Variants in TMEM165 observed in about 807,000 individuals in gnomAD.
TMEM165 encodes the protein transmembrane protein 165.
TMEM165 carries 19 observed loss-of-function variants against 30.0 expected under a neutral mutation model. The observed-to-expected ratio is 0.63, with a 90% CI of 0.44 to 0.93. The LOEUF (loss-of-function observed/expected upper bound fraction) is 0.93. Among genes scored for constraint, TMEM165 ranks in the 40% least tolerant of loss-of-function variants. The pLI is 0.00. For missense variants in TMEM165, 340 were observed against 417.0 expected (o/e 0.82, Z 1.61); for synonymous variants, 168 against 162.9 (o/e 1.03, Z -0.24).
At chr4:55,424,853 C>A in intron 5 of TMEM165, 1 of 513,896 alleles carries the variant, frequency 1.9e-6, no homozygotes, top group South Asian at 2.7e-5. Flanking sequence ...TCATTTTTAT[C>A]GAATTCATAG....
At chr4:55,414,542 C>A (rs1326462979) in intron 2 of TMEM165, among the ~76,000 whole-genome samples, 1 of 152,002 alleles carries the variant, frequency 6.6e-6, no homozygotes, top group Admixed American at 6.6e-5. Flanking sequence ...ACTCATCAAC[C>A]CGTCATCTAG....
chr4:55,418,883 A>C (rs534142536), intron 4 of TMEM165, among the ~76,000 whole-genome samples: 1 of 152,092 alleles, frequency 6.6e-6, no homozygotes, highest in African/African-American at 2.4e-5. Context: ...CCCTACTACT[A>C]AAAATACAAA....
intron 3 of TMEM165, among the ~76,000 whole-genome samples, chr4:55,450,965 T>G (rs1478489913): frequency 6.6e-6 from 1 of 151,878 alleles, no homozygotes; most frequent in African/African-American, 2.4e-5. Context: ...CACTAATCTT[T>G]CCCTTCACCA....
intron 4 of TMEM165, among the ~76,000 whole-genome samples, chr4:55,422,916 G>A (rs867605420): frequency 2.6e-5 from 4 of 152,100 alleles, no homozygotes; most frequent in African/African-American, 7.2e-5. Context: ...CATTACAGGC[G>A]TGAGCCACTG....
intron 3 of TMEM165, chr4:55,448,641 T>C (rs1035075038): frequency 8.7e-5 from 51 of 587,074 alleles, no homozygotes; most frequent in African/African-American, 1.7e-4. Flanking sequence ...TGTGTGTGTG[T>C]GTGCTCCTAC....
chr4:55,443,763 C>G, intron 3 of TMEM165: 4 of 1,614,088 alleles, frequency 2.5e-6, no homozygotes, highest in Non-Finnish European at 2.5e-6. Flanking sequence ...ATTCATTCCA[C>G]TTTGAATCTG....
intron 3 of TMEM165, chr4:55,444,721 C>T: frequency 1.2e-6 from 2 of 1,614,044 alleles, no homozygotes; most frequent in South Asian, 2.2e-5. Context: ...TTCTATCATG[C>T]GTGTCCGTTG....
intron 3 of TMEM165, chr4:55,438,479 C>T: frequency 1.2e-6 from 2 of 1,613,784 alleles, no homozygotes; most frequent in Non-Finnish European, 1.7e-6. Context: ...ACCATGACTG[C>T]CCCACAAGCT....
At position 55,403,136 on chromosome 4, in the gene TMEM165, A is replaced by G. The variant is rs1721103907; in HGVS notation, c.207+6740A>G. The G allele has an allele frequency of 4.0e-6, 3 of 746,810 alleles. No individual in the cohort carries two copies. The South Asian group carries it at 4.5e-5, about 11-fold the overall frequency. 46.3% of individuals were successfully genotyped at this position (746,810 alleles called of 1,614,324 possible). ...TTAGTAGTGCCCAGGAGACAGTTCTAAGCAAATTGTAAGCATTTTCTTCTG... is the reference window on the plus strand; with the variant it reads ...TTAGTAGTGCCCAGGAGACAGTTCTGAGCAAATTGTAAGCATTTTCTTCTG... On this transcript the variant is annotated intron_variant, in intron 1 of 5. Coordinates refer to ENST00000381334, the MANE Select transcript of TMEM165 (RefSeq NM_018475.5).
At chr4:55,396,945 C>T (rs191546505) in intron 1 of TMEM165, among the ~76,000 whole-genome samples, 5 of 152,170 alleles carry the variant, frequency 3.3e-5, no homozygotes, top group African/African-American at 7.2e-5. Flanking sequence ...GAATTAGTCT[C>T]CGGCAGTACA....
intron 2 of TMEM165, chr4:55,412,524 T>A (rs1721553339): frequency 6.6e-6 from 1 of 152,064 alleles, no homozygotes; most frequent in South Asian, 2.1e-4. Flanking sequence ...GTGAATATAC[T>A]TTTTTAACAG....
chr4:55,423,914 T>G (rs1722091189), intron 4 of TMEM165: 1 of 152,450 alleles, frequency 6.6e-6, no homozygotes, highest in South Asian at 2.1e-4. Flanking sequence ...GGCCTTTGCT[T>G]TCTATTTAGC....
At position 55,445,582 on chromosome 4, in the gene TMEM165, C is replaced by CTTTTTTT. The variant is rs56157186; in HGVS notation, c.409-6637_409-6631dup. ...TCTCTGCATCTGCTATTTCTATATT[C>CTTTTTTT]TTTTTTTTTTTTTTTTTTTTTTTTT... On this transcript the variant is annotated intron_variant, in intron 3 of 3. Transcript: ENST00000608091. 1.7e-4 allele frequency among the ~76,000 whole-genome samples: 12 copies of CTTTTTTT among 68,592 alleles called. 2 individuals are homozygous for CTTTTTTT. Among genetic ancestry groups the CTTTTTTT allele is most frequent in the East Asian group, 9.9e-4 (2 of 2,022 alleles). 45.0% of individuals were successfully genotyped at this position (68,592 alleles called of 152,430 possible).
chr4:55,407,287 C>CT (rs1721309608), intron 1 of TMEM165, among the ~76,000 whole-genome samples: 1 of 152,260 alleles, frequency 6.6e-6, no homozygotes, highest in Admixed American at 6.5e-5. Flanking sequence ...GCCTGTCATG[C>CT]TTTCGAGCTG....
chr4:55,407,974 A>C (rs1240295964), intron 1 of TMEM165, among the ~76,000 whole-genome samples: 2 of 152,158 alleles, frequency 1.3e-5, no homozygotes, highest in African/African-American at 4.8e-5. Context: ...CGTAACTGAT[A>C]ATGCCTTGGC....
downstream of TMEM165, chr4:55,429,404 A>C (rs1722372870): frequency 6.6e-6 from 1 of 152,158 alleles, no homozygotes; most frequent in Admixed American, 6.5e-5. Flanking sequence ...CTTGTGAGCA[A>C]GAAGGATCCT....
At chr4:55,438,602 T>C (rs1464106408) in intron 3 of TMEM165, 2 of 1,609,158 alleles carry the variant, frequency 1.2e-6, no homozygotes, top group Non-Finnish European at 1.7e-6. Context: ...TAAAACGCAG[T>C]GGAGTAAATA....
intron 3 of TMEM165, chr4:55,432,855 A>G (rs978615863): frequency 3.3e-5 from 5 of 152,440 alleles, no homozygotes; most frequent in East Asian, 1.9e-4. Flanking sequence ...TCCCCCGACT[A>G]TTTGTGGAGA....
chr4:55,401,507 A>G (rs1157670541), intron 1 of TMEM165, among the ~76,000 whole-genome samples: 2 of 150,814 alleles, frequency 1.3e-5, no homozygotes, highest in Non-Finnish European at 2.9e-5. Context: ...CACTTCTAAT[A>G]AAGCCACAAA....
Sources: gnomAD v4.1 joint callset for allele counts (sites outside exome capture counted in the v4.1 genomes callset) on GRCh38, gnomAD v4.1.1 for gene constraint, MANE v1.5 for transcripts, NCBI Gene and HGNC (gene_info 2026-07-23, HGNC 2026-07-21) for gene names.